APOB: variants seen among roughly 807,000 people sequenced by gnomAD.
The protein encoded by APOB is apolipoprotein B.
A neutral mutation model predicts 314.1 loss-of-function variants in APOB; 153 were observed. The observed-to-expected ratio is 0.49, with a 90% CI of 0.43 to 0.56. APOB has a LOEUF of 0.56. Among genes scored for constraint, APOB ranks in the 20% least tolerant of loss-of-function variants. APOB has a pLI of 0.00. For missense variants in APOB, 5,430 were observed against 5,350.7 expected, an observed-to-expected ratio of 1.01 and a Z score of -0.46; for synonymous variants, 2,087 against 2,036.4, an observed-to-expected ratio of 1.02 and a Z score of -0.67.
Position 21,038,059 on chromosome 2 carries a change from C to T in APOB, c.436G>A (p.Glu146Lys), listed in dbSNP as rs1664048473. The T allele has an allele frequency of 6.2e-7, 1 of 1,614,162 alleles. No homozygotes were observed. The highest frequency in any genetic ancestry group is 8.5e-7 in the Non-Finnish European group (1 of 1,180,026). Reference sequence around the variant, plus strand: ...AGGATGTAAGTAGGTTCATCTTTCTCCGGGTAAAGGAAAACCTGCTTCCCT... The same window carrying T: ...AGGATGTAAGTAGGTTCATCTTTCTTCGGGTAAAGGAAAACCTGCTTCCCT... ...PEGKQVFLYP[E>K]KDEPTYILNI... The change falls in exon 5 of 29, where the codon GAG (glutamate) becomes AAG (lysine). Residue 146 changes from glutamate to lysine, a missense_variant. Physicochemically the swap from Glu to Lys is moderately conservative, Grantham distance 56. Coordinates refer to ENST00000233242, the MANE Select transcript of APOB (RefSeq NM_000384.3).
rs781779316 is a variant in APOB, at chr2:21,008,626, G to A, written c.8242C>T (p.His2748Tyr). 2 of 1,614,082 alleles carry A rather than the reference G, an allele frequency of 1.2e-6. No homozygotes were observed. Among genetic ancestry groups the A allele is most frequent in the Non-Finnish European group, 1.7e-6 (2 of 1,179,944 alleles). The stretch of plus-strand genomic sequence containing the variant: ...CCAAAAGTAGGTACTTCAATTGTGT[G>A]TGAGATGTGGGGAAGCTGGAATTCT... ...IPEFQLPHIS[H>Y]TIEVPTFGKL... Residue 2748 changes from histidine to tyrosine, a missense_variant, in exon 26 of 29, where the codon CAC (histidine) becomes TAC (tyrosine). His to Tyr is a moderately conservative substitution (Grantham distance 83, BLOSUM62 2). This residue lies in a region of APOB where 3,281 missense variants were observed against 3,171.0 expected (regional missense o/e 1.03). Transcript: ENST00000233242.
At chr2:21,033,134 C>A (rs1482974112) in intron 9 of APOB, among the ~76,000 whole-genome samples, 165 bp downstream of exon 9, 2 of 152,182 alleles carry the variant, frequency 1.3e-5, no homozygotes, top group Non-Finnish European at 2.9e-5. Flanking sequence ...TGGAACTCAG[C>A]GCAGCAGCTG....
chr2:21,017,627 G>C (rs778487659), intron 20 of APOB, among the ~76,000 whole-genome samples: 10 of 152,116 alleles, frequency 6.6e-5, no homozygotes, highest in Non-Finnish European at 1.3e-4. Context: ...GGGCCAGGAA[G>C]ACACGACATC....
chr2:21,004,362 G>A lies in APOB; in HGVS notation c.11994C>T (p.Ser3998=). The A allele has an allele frequency of 6.2e-7, 1 of 1,613,970 alleles. No individual in the cohort carries two copies. The highest frequency in any genetic ancestry group is 8.5e-7 in the Non-Finnish European group (1 of 1,179,926). ...CTACGGCTGGGGAGGCTGCTGAGGT[G>A]GAGATGCCTTTCTTGTCTTTCTGGT... is the stretch of plus-strand genomic sequence containing the variant. ...LRYQKDKKGI[S]TSAASPAVGT... Residue 3998 remains serine, a synonymous_variant, in exon 28 of 29, where the codon TCC becomes TCT. Coordinates refer to ENST00000233242, the MANE Select transcript of APOB (RefSeq NM_000384.3).
intron 8 of APOB, among the ~76,000 whole-genome samples, chr2:21,033,784 A>G (rs911217090): frequency 6.6e-6 from 1 of 152,174 alleles, no homozygotes; most frequent in Non-Finnish European, 1.5e-5. Flanking sequence ...TTTTTGGGCC[A>G]TGTAAATTGC....
intron 4 of APOB, among the ~76,000 whole-genome samples, chr2:21,039,756 T>C (rs1664087751): frequency 6.6e-6 from 1 of 152,158 alleles, no homozygotes; most frequent in Non-Finnish European, 1.5e-5. Flanking sequence ...TCTTCTGTAT[T>C]TGGAGAAGAC....
In APOB at chr2:21,009,772, G is replaced by A. The variant is rs1663254035; in HGVS notation, c.7096C>T (p.His2366Tyr). Residue 2366 changes from histidine (H) to tyrosine (Y), a missense_variant, in exon 26 of 29, where the codon CAC becomes TAC. By Grantham distance (83) the His-to-Tyr change is moderately conservative (BLOSUM62 2). Coordinates refer to ENST00000233242, the MANE Select transcript of APOB (RefSeq NM_000384.3). ...ATAGTCTCCTTCAACTTGTATTGGT[G>A]GGCCAACTCTACTAATTTATCCATT... is the stretch of plus-strand genomic sequence containing the variant. ...VLMDKLVELA[H>Y]QYKLKETIQK... 7 of 1,613,726 alleles carry A rather than the reference G, an allele frequency of 4.3e-6. No individual in the cohort carries two copies. Among genetic ancestry groups the A allele is most frequent in the Non-Finnish European group, 5.9e-6 (7 of 1,179,926 alleles).
chr2:21,008,749 T>A lies in APOB; in HGVS notation c.8119A>T (p.Thr2707Ser). ...TCTGGTAAACGGAAGTCTGGCAGGG[T>A]GATTCTCGCTAGAGGAATGTCCTCC... ...KVEDIPLARI[T>S]LPDFRLPEIA... The change falls in exon 26 of 29, where the codon ACC becomes TCC. Residue 2707 changes from threonine (T) to serine (S), a missense_variant. Transcript: ENST00000233242. The A allele has an allele frequency of 6.2e-7, 1 of 1,613,990 alleles. No individual in the cohort carries two copies. The highest frequency in any genetic ancestry group is 8.5e-7 in the Non-Finnish European group (1 of 1,179,956).
chr2:21,014,473 T>C lies in APOB; in HGVS notation c.3817A>G (p.Ile1273Val), dbSNP rs1350293648. The change falls in exon 24 of 29, where the codon ATC becomes GTC. Residue 1273 changes from isoleucine to valine, a missense_variant. Around this residue, in one of 3 missense-constraint regions of APOB, gnomAD observed 2,085 missense variants for 2,079.7 expected, o/e 1.00. Transcript: ENST00000233242. ...CTTTTTAAGAAGAGGTTTTCTGGGA[T>C]GTGGAAGTCTGGCAATCCCATGTTC... Reference protein sequence around the residue: ...LQNMGLPDFHIPENLFLKSDG... With the variant: ...LQNMGLPDFHVPENLFLKSDG... The C allele has an allele frequency of 1.9e-6, 3 of 1,614,190 alleles. No individual in the cohort carries two copies. The African/African-American group carries it at 4.0e-5, about 22-fold the overall frequency.
Position 21,005,704 on chromosome 2 carries a change from G to T in APOB, c.11164C>A (p.Pro3722Thr), listed in dbSNP as rs1480097398. Reference protein sequence around the residue: ...KNPNGYSFSIPVKVLADKFII... With the variant: ...KNPNGYSFSITVKVLADKFII... ...AATTTATCAGCCAAAACTTTTACAG[G>T]GATGGAGAATGAATAGCCATTGGGG... Residue 3722 changes from proline (P) to threonine (T), a missense_variant, in exon 26 of 29, where the codon CCT (proline) becomes ACT (threonine). Physicochemically the swap from Pro to Thr is conservative, Grantham distance 38. Around this residue, in one of 3 missense-constraint regions of APOB, gnomAD observed 3,281 missense variants for 3,171.0 expected, o/e 1.03. Transcript: ENST00000233242. The T allele has an allele frequency of 6.2e-7, 1 of 1,613,760 alleles. No individual in the cohort carries two copies. Among genetic ancestry groups the T allele is most frequent in the Non-Finnish European group, 8.5e-7 (1 of 1,179,960 alleles).
Position 21,004,899 on chromosome 2 carries a change from G to A in APOB, c.11788+181C>T, listed in dbSNP as rs556605391. Among the ~76,000 whole-genome samples, 6 of 152,300 alleles carry A rather than the reference G, an allele frequency of 3.9e-5. No homozygotes were observed. In the South Asian group the frequency reaches 1.2e-3, roughly 32 times the overall value. On this transcript the variant is annotated intron_variant, in intron 26 of 28. Coordinates refer to ENST00000233242, the MANE Select transcript of APOB (RefSeq NM_000384.3). ...TTCTTTAAAGCTGTTTGTCTTGAAT[G>A]ACACTAGATTTTCTACAGTTTGGTT...
In APOB at chr2:21,009,515, A is replaced by G. The variant is rs757544634; in HGVS notation, c.7353T>C (p.Asn2451=). 2 of 1,614,100 alleles carry G rather than the reference A, an allele frequency of 1.2e-6. No individual in the cohort carries two copies. Among genetic ancestry groups the G allele is most frequent in the Non-Finnish European group, 1.7e-6 (2 of 1,179,974 alleles). ...DKIREVTQRL[N]GEIQALELPQ... ...GTAGTTCCAGAGCCTGAATTTCACC[A>G]TTGAGTCTCTGAGTCACCTCACGGA... The change falls in exon 26 of 29, where the codon AAT becomes AAC. Residue 2451 remains asparagine, a synonymous_variant. Coordinates refer to ENST00000233242, the MANE Select transcript of APOB (RefSeq NM_000384.3).
chr2:21,025,189 A>G (rs1226906917), intron 15 of APOB, 65 bp from the exon 16 acceptor site: 15 of 1,504,056 alleles, frequency 1.0e-5, no homozygotes, highest in African/African-American at 4.1e-5. Context: ...TCAGTTCCCA[A>G]TGTGGGACCT....
chr2:21,026,704 T>C, intron 15 of APOB, 84 bp downstream of exon 15: 1 of 1,140,504 alleles, frequency 8.8e-7, no homozygotes, highest in East Asian at 2.3e-5. Flanking sequence ...AGATAGTATT[T>C]TGAGGACTTC....
chr2:21,019,038 C>G lies in APOB; in HGVS notation c.3075G>C (p.Glu1025Asp). The change falls in exon 20 of 29, where the codon GAG (glutamate) becomes GAC (aspartate). Residue 1025 changes from glutamate (E) to aspartate (D), a missense_variant. Glu to Asp is a conservative substitution (Grantham distance 45, BLOSUM62 2). Coordinates refer to ENST00000233242, the MANE Select transcript of APOB (RefSeq NM_000384.3). ...TCAGGGTATCCACCAAGGCTCTGTC[C>G]TCTCTCTGGAGCTCATAGGTTGCGC... ...SVSATYELQR[E>D]DRALVDTLKF... The G allele has an allele frequency of 6.2e-7, 1 of 1,614,040 alleles. No individual in the cohort carries two copies. Among genetic ancestry groups the G allele is most frequent in the Non-Finnish European group, 8.5e-7 (1 of 1,180,022 alleles).
chr2:21,043,666 G>A (rs1664191354), intron 1 of APOB, 115 bp from the exon 2 acceptor site: 1 of 1,511,638 alleles, frequency 6.6e-7, no homozygotes, highest in Non-Finnish European at 9.0e-7. Context: ...GGCAGGCTCC[G>A]GAGACCCCCT....
chr2:21,017,329 A>G (rs997090873), intron 20 of APOB, among the ~76,000 whole-genome samples: 1 of 152,194 alleles, frequency 6.6e-6, no homozygotes, highest in Non-Finnish European at 1.5e-5. Flanking sequence ...TGTACAGGCA[A>G]TAAACAAGTA....
Position 21,001,651 on chromosome 2 carries a change from A to G in APOB, c.*79T>C. 1 of 1,419,182 alleles carries G rather than the reference A, an allele frequency of 7.0e-7. No homozygotes were observed. The highest frequency in any genetic ancestry group is 1.2e-5 in the South Asian group (1 of 85,270). The allele number at this position is 1,419,182 out of a possible 1,614,324, so 87.9% of individuals were successfully genotyped here. ...TGGCTCACTGTATGGTTTTATCAATATAGGCAGTTTGAATTTTTTCTGTGC... is the reference window on the plus strand; with the variant it reads ...TGGCTCACTGTATGGTTTTATCAATGTAGGCAGTTTGAATTTTTTCTGTGC... On this transcript the variant is annotated 3_prime_UTR_variant, in exon 29 of 29. Transcript: ENST00000233242.
At chr2:21,033,637 T>C in intron 8 of APOB, 119 bp from the exon 9 acceptor site, 1 of 835,918 alleles carries the variant, frequency 1.2e-6, no homozygotes, top group Middle Eastern at 3.4e-4. Flanking sequence ...GAAACTATCC[T>C]GTATTCAATG....
Sources: gnomAD v4.1 joint callset for allele counts (sites outside exome capture counted in the v4.1 genomes callset) on GRCh38, gnomAD v4.1.1 for gene constraint, gnomAD v4.1.1 regional missense constraint, MANE v1.5 for transcripts, NCBI Gene and HGNC (gene_info 2026-07-23, HGNC 2026-07-21) for gene names.